The following NR3C1 variants were observed in gnomAD, a reference collection of about 807,000 sequenced individuals.
The protein encoded by NR3C1 is glucocorticoid receptor.
In NR3C1, 14 loss-of-function variants were observed where a neutral mutation model predicts 74.0. The observed-to-expected ratio is 0.19, with a 90% confidence interval of 0.12 to 0.30. The LOEUF (loss-of-function observed/expected upper bound fraction) is 0.30, where lower values mean the gene tolerates loss of function less well. Among genes scored for constraint, NR3C1 ranks in the 10% least tolerant of loss-of-function variants. NR3C1 has a pLI of 1.00. For synonymous variants in NR3C1, 308 were observed against 332.5 expected (o/e 0.93, Z 0.80); for missense variants, 695 against 909.8 (o/e 0.76, Z 3.04).
intron 2 of NR3C1, among the ~76,000 whole-genome samples, chr5:143,335,613 T>C (rs1826977880): frequency 6.6e-6 from 1 of 152,238 alleles, no homozygotes; most frequent in Non-Finnish European, 1.5e-5. Flanking sequence ...CTATTTATTT[T>C]GGGGATAACA....
Position 143,298,874 on chromosome 5 carries a change from T to G in NR3C1, c.1748-62A>C. On this transcript the variant is annotated intron_variant, in intron 5 of 8. Coordinates refer to ENST00000394464, the MANE Select transcript of NR3C1 (RefSeq NM_000176.3). ...TTCAGAAGATCATCTCTGTGGGAATTGCCAAGGAGCAATGAGATCAATTAG... is the reference window on the plus strand; with the variant it reads ...TTCAGAAGATCATCTCTGTGGGAATGGCCAAGGAGCAATGAGATCAATTAG... The G allele has an allele frequency of 2.5e-6, 4 of 1,573,160 alleles. No individual in the cohort carries two copies. The South Asian group carries it at 4.5e-5, about 18-fold the overall frequency.
At chr5:143,403,175 G>C in intron 1 of NR3C1, 36 bp downstream of exon 1, 2 of 984,122 alleles carry the variant, frequency 2.0e-6, no homozygotes, top group Non-Finnish European at 2.4e-6. Context: ...TCGGGGGAGC[G>C]AGCGCGCCCC....
intron 2 of NR3C1, among the ~76,000 whole-genome samples, chr5:143,314,421 CTTTT>C (rs200172704): frequency 2.5e-5 from 3 of 118,794 alleles, no homozygotes; most frequent in African/African-American, 9.1e-5. Flanking sequence ...ACTTCTTCTT[CTTTT>C]TTTTTTTTTT....
At chr5:143,416,786 A>C (rs1841491531) in intron 1 of NR3C1, among the ~76,000 whole-genome samples, 1 of 152,224 alleles carries the variant, frequency 6.6e-6, no homozygotes, top group Non-Finnish European at 1.5e-5. Context: ...AATGTCTAAA[A>C]ATAAACTTTA....
At chr5:143,404,122 C>G, upstream of NR3C1, 2 of 985,402 alleles carry the variant, frequency 2.0e-6, no homozygotes, top group Non-Finnish European at 1.2e-6. Context: ...GCGGCAAGCG[C>G]CGCCAGTGCC....
At chr5:143,343,808 G>C (rs2918418) in intron 2 of NR3C1, among the ~76,000 whole-genome samples, 22,629 of 152,154 alleles carry the variant, frequency 0.15, 1,871 homozygotes, top group African/African-American at 0.18. Flanking sequence ...CAGGGATTTA[G>C]TTGTGGCACT....
At chr5:143,361,605 C>A (rs937970143) in intron 2 of NR3C1, among the ~76,000 whole-genome samples, 1 of 152,162 alleles carries the variant, frequency 6.6e-6, no homozygotes, top group Admixed American at 6.5e-5. Flanking sequence ...TAAACAATTG[C>A]TCAAACACTG....
chr5:143,314,434 T>G (rs1349587606), intron 2 of NR3C1, among the ~76,000 whole-genome samples: 1 of 151,874 alleles, frequency 6.6e-6, no homozygotes, highest in Non-Finnish European at 1.5e-5. Flanking sequence ...TTTTTTTTTT[T>G]TTTTAGATGC....
At chr5:143,422,279 A>C (rs1751276913) in intron 1 of NR3C1, among the ~76,000 whole-genome samples, 1 of 152,162 alleles carries the variant, frequency 6.6e-6, no homozygotes. Flanking sequence ...GATCATCCCA[A>C]GTATCTTGAT....
chr5:143,338,626 TTACA>T (rs1827617251), intron 2 of NR3C1, among the ~76,000 whole-genome samples: 1 of 152,192 alleles, frequency 6.6e-6, no homozygotes, highest in Admixed American at 6.5e-5. Flanking sequence ...AAAATTTTCT[TTACA>T]GCTGTACAAT....
chr5:143,376,921 G>A (rs1436308360), intron 2 of NR3C1, among the ~76,000 whole-genome samples: 4 of 152,122 alleles, frequency 2.6e-5, no homozygotes, highest in Admixed American at 6.5e-5. Flanking sequence ...TGATGGAGGA[G>A]GGAGGAAAAA....
intron 2 of NR3C1, among the ~76,000 whole-genome samples, chr5:143,334,608 C>G (rs186405122): frequency 5.3e-5 from 8 of 151,780 alleles, no homozygotes; most frequent in Non-Finnish European, 7.4e-5. Flanking sequence ...CTACAGCAGT[C>G]GACCAAGCCC....
At chr5:143,367,397 T>C (rs547486513) in intron 2 of NR3C1, among the ~76,000 whole-genome samples, 1 of 151,960 alleles carries the variant, frequency 6.6e-6, no homozygotes, top group South Asian at 2.1e-4. Context: ...GCACTGGAGG[T>C]TCTAGCTAGG....
At chr5:143,336,834 T>C (rs1827213099) in intron 2 of NR3C1, among the ~76,000 whole-genome samples, 1 of 151,470 alleles carries the variant, frequency 6.6e-6, no homozygotes, top group Non-Finnish European at 1.5e-5. Flanking sequence ...ATACAAAAAT[T>C]AGCGGGTATG....
chr5:143,326,648 A>T (rs1157879933), intron 2 of NR3C1, among the ~76,000 whole-genome samples: 3 of 152,194 alleles, frequency 2.0e-5, no homozygotes, highest in African/African-American at 7.2e-5. Context: ...CAACCCTGGA[A>T]TTTTTGGGGA....
intron 2 of NR3C1, among the ~76,000 whole-genome samples, chr5:143,356,888 C>T (rs1831249293): frequency 2.0e-5 from 3 of 152,130 alleles, no homozygotes; most frequent in Non-Finnish European, 4.4e-5. Context: ...AGAGTACACA[C>T]GTTATTTCTA....
At chr5:143,384,055 A>G (rs1195955458) in intron 2 of NR3C1, among the ~76,000 whole-genome samples, 1 of 152,254 alleles carries the variant, frequency 6.6e-6, no homozygotes, top group Non-Finnish European at 1.5e-5. Context: ...GAGAGGCCTC[A>G]GGAAACTTAG....
At chr5:143,356,802 T>C (rs1439974084) in intron 2 of NR3C1, among the ~76,000 whole-genome samples, 1 of 152,196 alleles carries the variant, frequency 6.6e-6, no homozygotes, top group East Asian at 1.9e-4. Flanking sequence ...GATCATCAGA[T>C]GTACGTTACT....
chr5:143,323,730 A>G (rs987831776), intron 2 of NR3C1, among the ~76,000 whole-genome samples: 1 of 152,134 alleles, frequency 6.6e-6, no homozygotes, highest in Non-Finnish European at 1.5e-5. Flanking sequence ...CTATGAGCCT[A>G]TAAAATCAAA....
Sources: gnomAD v4.1 joint callset for allele counts (sites outside exome capture counted in the v4.1 genomes callset) on GRCh38, gnomAD v4.1.1 for gene constraint, MANE v1.5 for transcripts, NCBI Gene and HGNC (gene_info 2026-07-23, HGNC 2026-07-21) for gene names.